Variants in ENTPD5 observed in about 807,000 individuals in gnomAD.
The protein encoded by ENTPD5 is nucleoside diphosphate phosphatase ENTPD5.
A neutral mutation model predicts 60.2 loss-of-function variants in ENTPD5; 49 were observed. That is an observed-to-expected ratio of 0.81 (90% CI 0.65 to 1.03). The LOEUF is 1.03. Ranked by LOEUF, ENTPD5 falls within the 50% of genes least tolerant of loss-of-function variation. ENTPD5 has a pLI of 0.00. For missense variants in ENTPD5, 480 were observed against 507.6 expected, an observed-to-expected ratio of 0.95 and a Z score of 0.52; for synonymous variants, 187 against 185.4, an observed-to-expected ratio of 1.01 and a Z score of -0.07.
chr14:73,980,144 A>G (rs1202116234), intron 6 of ENTPD5, among the ~76,000 whole-genome samples: 2 of 151,230 alleles, frequency 1.3e-5, no homozygotes, highest in East Asian at 3.9e-4. Flanking sequence ...ACAGGGTTTC[A>G]CCATGTTGGC....
intron 7 of ENTPD5, 85 bp from the exon 8 acceptor site, chr14:73,977,144 T>A: frequency 1.5e-6 from 2 of 1,359,422 alleles, no homozygotes; most frequent in Non-Finnish European, 2.1e-6. Context: ...TTTTCCTCTC[T>A]AAATTCCATG....
At chr14:74,005,364 C>CAAAAAAAAAAAAAGA (rs35560902) in intron 3 of ENTPD5, among the ~76,000 whole-genome samples, 1 of 117,068 alleles carries the variant, frequency 8.5e-6, no homozygotes. Flanking sequence ...GACTCGGTCT[C>CAAAAAAAAAAAAAGA]AAAAAAAAAG....
At chr14:73,972,402 AAAC>A (rs1315957405) in intron 13 of ENTPD5, among the ~76,000 whole-genome samples, 4 of 151,842 alleles carry the variant, frequency 2.6e-5, no homozygotes, top group Non-Finnish European at 4.4e-5. Context: ...CAAAAAACCA[AAAC>A]AACAACAACA....
intron 11 of ENTPD5, 22 bp downstream of exon 11, chr14:73,974,902 C>A (rs753586325): frequency 2.2e-5 from 35 of 1,604,774 alleles, no homozygotes; most frequent in South Asian, 6.6e-5. Flanking sequence ...CATCCCCCCC[C>A]AGCACAGGTA....
chr14:73,981,522 C>T (rs945675972), intron 6 of ENTPD5, among the ~76,000 whole-genome samples: 4 of 150,424 alleles, frequency 2.7e-5, no homozygotes, highest in African/African-American at 9.8e-5. Flanking sequence ...CTTCACCAGG[C>T]GTGGTGGCTC....
chr14:73,983,096 T>C lies in ENTPD5; in HGVS notation c.363A>G (p.Lys121=), dbSNP rs779719799. The C allele has an allele frequency of 2.5e-6, 4 of 1,614,152 alleles. No individual in the cohort carries two copies. In the East Asian group the frequency reaches 6.7e-5, roughly 27 times the overall value. Residue 121 remains lysine, a synonymous_variant, in exon 6 of 16, where the codon AAA becomes AAG. Coordinates refer to ENST00000334696, the MANE Select transcript of ENTPD5 (RefSeq NM_001249.5). ...TTGCCTTTAGGACCACTGGGGTCTT[T>C]TTCCAGTGACTTCGGGGGATTGAGT... ...AKDSIPRSHW[K]KTPVVLKATA...
chr14:73,963,128 T>G (rs1254648837), downstream of ENTPD5: 1 of 846,598 alleles, frequency 1.2e-6, no homozygotes, highest in Admixed American at 1.9e-5. Flanking sequence ...TTTTTCTTCT[T>G]TGCTTAATGG....
downstream of ENTPD5, chr14:73,955,874 G>T (rs144520464): frequency 3.5e-5 from 57 of 1,614,034 alleles, 1 homozygote; most frequent in Non-Finnish European, 4.7e-5. Context: ...GGGCTATATC[G>T]TGGAGAATGA....
In ENTPD5 at chr14:73,974,928, T is replaced by G. The variant is rs200731547; in HGVS notation, c.780A>C (p.Thr260=). The G allele has an allele frequency of 1.2e-5, 19 of 1,613,450 alleles. 1 individual carries two copies. In the South Asian group the frequency reaches 1.4e-4, roughly 12 times the overall value. The change falls in exon 11 of 16, where the codon ACA becomes ACC. Residue 260 remains threonine, a synonymous_variant. Transcript: ENST00000334696. ...AGCACAGGTACCCAGACAAACCTTC[T>G]GTCTCCAGGGCTCCCAGGGTTGCTA... ...ARLATLGALE[T]EGTDGHTFRS...
At chr14:73,961,805 A>G (rs150656371), downstream of ENTPD5, 1 of 1,614,154 alleles carries the variant, frequency 6.2e-7, no homozygotes, top group Non-Finnish European at 8.5e-7. Context: ...TCTGGCTGCT[A>G]CAGACTTACT....
chr14:74,017,231 T>C lies in ENTPD5; in HGVS notation c.-237-1301A>G, dbSNP rs552270881. Reference sequence around the variant, plus strand: ...TACTCGGGAGGCTGAGGCAGGAGAATTGCTTGAACCTGGGAGGTGGAGGCT... The same window carrying C: ...TACTCGGGAGGCTGAGGCAGGAGAACTGCTTGAACCTGGGAGGTGGAGGCT... On this transcript the variant is annotated intron_variant, in intron 1 of 15. Coordinates refer to ENST00000334696, the MANE Select transcript of ENTPD5 (RefSeq NM_001249.5). Among the ~76,000 whole-genome samples the C allele has an allele frequency of 5.3e-5, 8 of 151,856 alleles. No homozygotes were observed. The South Asian group carries it at 1.0e-3, about 20-fold the overall frequency.
downstream of ENTPD5, among the ~76,000 whole-genome samples, chr14:73,957,463 T>G (rs1186647148): frequency 6.6e-6 from 1 of 152,124 alleles, no homozygotes; most frequent in Non-Finnish European, 1.5e-5. Flanking sequence ...CAGGCTGATG[T>G]TTTTGGAGAT....
intron 3 of ENTPD5, among the ~76,000 whole-genome samples, chr14:74,004,592 C>T (rs1238562992): frequency 1.3e-5 from 2 of 152,132 alleles, no homozygotes; most frequent in Non-Finnish European, 2.9e-5. Flanking sequence ...TTGACTAGGC[C>T]TGGAAGACCC....
Position 73,964,074 on chromosome 14 carries a change from G to A in ENTPD5, c.*2854C>T, listed in dbSNP as rs903486890. 6.6e-6 allele frequency: 1 copy of A among 152,152 alleles called. No individual in the cohort carries two copies. Among genetic ancestry groups the A allele is most frequent in the Non-Finnish European group, 1.5e-5 (1 of 68,042 alleles). The allele number at this position is 152,152 out of a possible 1,614,324, so 9.4% of individuals were successfully genotyped here. ...CTCCTGGCGGAGACTGCAGGGACAA[G>A]GTCATCTTTCACAAAAAATGGAAAG... On this transcript the variant is annotated 3_prime_UTR_variant, in exon 16 of 16. Transcript: ENST00000334696.
At chr14:74,010,584 G>A (rs1405507938) in intron 3 of ENTPD5, among the ~76,000 whole-genome samples, 1 of 151,894 alleles carries the variant, frequency 6.6e-6, no homozygotes, top group Non-Finnish European at 1.5e-5. Context: ...TGTTTCCATT[G>A]TGAATTATAT....
chr14:73,974,094 T>C (rs531444887), intron 11 of ENTPD5, 116 bp from the exon 12 acceptor site: 2 of 761,642 alleles, frequency 2.6e-6, no homozygotes, highest in East Asian at 2.7e-5. Context: ...CTTAAAATCC[T>C]ATGAAATTAA....
chr14:73,975,281 C>T (rs767004529), intron 10 of ENTPD5, among the ~76,000 whole-genome samples: 1 of 152,132 alleles, frequency 6.6e-6, no homozygotes, highest in African/African-American at 2.4e-5. Context: ...TAGCTCCTAG[C>T]CCCAACTGGG....
rs764635437 is a variant in ENTPD5 at position 73,966,647 on chromosome 14, G to A, written c.*281C>T. The A allele has an allele frequency of 1.8e-5, 6 of 329,462 alleles. No individual in the cohort carries two copies. The highest frequency in any genetic ancestry group is 3.3e-5 in the Non-Finnish European group (6 of 180,530). 20.4% of individuals were successfully genotyped at this position (329,462 alleles called of 1,614,324 possible). On this transcript the variant is annotated 3_prime_UTR_variant, in exon 16 of 16. Transcript: ENST00000334696. The stretch of plus-strand genomic sequence containing the variant: ...TGAGGCACTCAAAGGGTTGAAATGC[G>A]ATTTTTCTTTGGTTTCCAGGGACCT...
chr14:74,003,361 A>G (rs2108712), intron 3 of ENTPD5: 508,896 of 583,044 alleles, frequency 0.87, 222,877 homozygotes, highest in East Asian at 0.95. Context: ...GGTTTCTCTC[A>G]GCCTTAGCGC....
Sources: allele counts gnomAD v4.1 joint callset (sites outside exome capture counted in the v4.1 genomes callset), GRCh38; gene constraint gnomAD v4.1.1; transcripts MANE v1.5; gene names NCBI Gene and HGNC (gene_info 2026-07-23, HGNC 2026-07-21).